The following KLHL8 variants were observed in gnomAD, a reference collection of about 807,000 sequenced individuals.
KLHL8 encodes kelch like family member 8.
A neutral mutation model predicts 63.5 loss-of-function variants in KLHL8; 38 were observed. The observed-to-expected ratio is 0.60, with a 90% CI of 0.46 to 0.78. The LOEUF (loss-of-function observed/expected upper bound fraction) is 0.78, where lower values mean the gene tolerates loss of function less well. Among genes scored for constraint, KLHL8 ranks in the 30% least tolerant of loss-of-function variants. The pLI is 0.00. For synonymous variants in KLHL8, 224 were observed against 254.3 expected, an observed-to-expected ratio of 0.88 and a Z score of 1.13; for missense variants, 566 against 752.4, an observed-to-expected ratio of 0.75 and a Z score of 2.90.
intron 1 of KLHL8, among the ~76,000 whole-genome samples, chr4:87,234,973 G>C (rs1328732610): frequency 6.6e-6 from 1 of 152,064 alleles, no homozygotes; most frequent in Non-Finnish European, 1.5e-5. Context: ...CAGATACAAA[G>C]AAAGAAAATA....
chr4:87,191,502 G>T (rs963595453), intron 2 of KLHL8, among the ~76,000 whole-genome samples: 1 of 151,816 alleles, frequency 6.6e-6, no homozygotes, highest in Admixed American at 6.6e-5. Context: ...CCCTTATAAA[G>T]TAAAAAATAA....
At chr4:87,195,007 A>C (rs1405100247) in intron 2 of KLHL8, among the ~76,000 whole-genome samples, 1 of 152,218 alleles carries the variant, frequency 6.6e-6, no homozygotes, top group Non-Finnish European at 1.5e-5. Context: ...ACAAGTGAAA[A>C]GCTTATCTGG....
chr4:87,196,721 T>C (rs2110016044), intron 1 of KLHL8, among the ~76,000 whole-genome samples: 1 of 152,312 alleles, frequency 6.6e-6, no homozygotes, highest in African/African-American at 2.4e-5. Flanking sequence ...CAATTCTACT[T>C]TGGTGACAGA....
intron 1 of KLHL8, chr4:87,219,459 C>G (rs1057095278): frequency 6.6e-6 from 1 of 151,016 alleles, no homozygotes; most frequent in Non-Finnish European, 1.5e-5. Flanking sequence ...GGACCTTTTC[C>G]CAAAGTATCC....
intron 1 of KLHL8, among the ~76,000 whole-genome samples, chr4:87,214,743 T>C (rs562644643): frequency 2.8e-4 from 42 of 152,124 alleles, no homozygotes; most frequent in African/African-American, 1.0e-3. Context: ...AATAGTGGTA[T>C]TAATAATATT....
At position 87,183,558 on chromosome 4, in the gene KLHL8, G is replaced by C. The variant is rs140001733; in HGVS notation, c.766-169C>G. ...GTTGTTACTTCATGAAATGTAACAT[G>C]TTCATGATTTTCAATGTGCCAAATT... On this transcript the variant is annotated intron_variant, in intron 3 of 9. Transcript: ENST00000273963. Among the ~76,000 whole-genome samples the C allele has an allele frequency of 6.2e-3, 948 of 152,260 alleles. 5 individuals carry two copies. Among genetic ancestry groups the C allele is most frequent in the Non-Finnish European group, 0.01 (689 of 68,024 alleles).
At position 87,183,311 on chromosome 4, in the gene KLHL8, A is replaced by G. The variant is rs1425636564; in HGVS notation, c.844T>C (p.Cys282Arg). The G allele has an allele frequency of 1.2e-6, 2 of 1,613,532 alleles. No individual in the cohort carries two copies. Among genetic ancestry groups the G allele is most frequent in the Non-Finnish European group, 1.7e-6 (2 of 1,179,592 alleles). ...KEQIVKQNLK[C>R]RDLLDEARNY... ...CTTGCTTCATCCAGTAAATCTCTAC[A>G]TTTTAGATTTTGCTTGACAATCTGT... The change falls in exon 4 of 10, where the codon TGT (cysteine) becomes CGT (arginine). Residue 282 changes from cysteine (C) to arginine (R), a missense_variant. By Grantham distance (180) the Cys-to-Arg change is radical. Coordinates refer to ENST00000273963, the MANE Select transcript of KLHL8 (RefSeq NM_020803.5).
chr4:87,218,121 A>G (rs1732670622), intron 1 of KLHL8, among the ~76,000 whole-genome samples: 1 of 152,320 alleles, frequency 6.6e-6, no homozygotes, highest in South Asian at 2.1e-4. Context: ...TTGGCTCTGT[A>G]GGGGTAGGCG....
chr4:87,233,811 T>C (rs1047864224), intron 1 of KLHL8, among the ~76,000 whole-genome samples: 14 of 152,234 alleles, frequency 9.2e-5, no homozygotes, highest in African/African-American at 3.4e-4. Flanking sequence ...TGAAGATACT[T>C]GATAAATATT....
At chr4:87,198,416 C>A (rs917373299) in intron 1 of KLHL8, among the ~76,000 whole-genome samples, 1 of 152,158 alleles carries the variant, frequency 6.6e-6, no homozygotes. Flanking sequence ...TTAAACTCAA[C>A]AATATCAATA....
At chr4:87,168,932 A>G (rs1359566764) in intron 8 of KLHL8, among the ~76,000 whole-genome samples, 1 of 149,628 alleles carries the variant, frequency 6.7e-6, no homozygotes, top group Non-Finnish European at 1.5e-5. Context: ...TTAAACCTGC[A>G]TGGGGTTTGG....
chr4:87,195,306 C>T lies in KLHL8; in HGVS notation c.216+18G>A. 1.2e-6 allele frequency: 2 copies of T among 1,604,332 alleles called. No homozygotes were observed. Among genetic ancestry groups the T allele is most frequent in the East Asian group, 2.2e-5 (1 of 44,756 alleles). ...ACACTGAAGAGGCCTGAGAAAAGTA[C>T]AAAAAAGGCAATCTCACCTTGAGTG... is the stretch of plus-strand genomic sequence containing the variant. On this transcript the variant is annotated intron_variant, in intron 2 of 9. Coordinates refer to ENST00000273963, the MANE Select transcript of KLHL8 (RefSeq NM_020803.5).
At chr4:87,234,535 A>G (rs1357636112) in intron 1 of KLHL8, among the ~76,000 whole-genome samples, 1 of 152,174 alleles carries the variant, frequency 6.6e-6, no homozygotes, top group East Asian at 1.9e-4. Context: ...ACTCAAGCTC[A>G]TGTGCATATT....
intron 1 of KLHL8, among the ~76,000 whole-genome samples, chr4:87,236,858 T>A (rs1733239926): frequency 6.6e-6 from 1 of 151,786 alleles, no homozygotes; most frequent in African/African-American, 2.4e-5. Context: ...GAGACGGGGT[T>A]TCTCTATGTT....
chr4:87,186,389 G>C (rs905428608), intron 2 of KLHL8, among the ~76,000 whole-genome samples: 3 of 151,408 alleles, frequency 2.0e-5, no homozygotes, highest in Non-Finnish European at 4.4e-5. Context: ...AACAAACCAT[G>C]ATTTTCTATG....
chr4:87,176,203 A>T (rs1271983767), intron 6 of KLHL8, among the ~76,000 whole-genome samples: 2 of 152,228 alleles, frequency 1.3e-5, no homozygotes, highest in Non-Finnish European at 2.9e-5. Flanking sequence ...CCATCTCAGC[A>T]CTGGCATTTG....
chr4:87,209,429 G>T (rs1031573831), intron 1 of KLHL8, among the ~76,000 whole-genome samples: 1 of 152,020 alleles, frequency 6.6e-6, no homozygotes, highest in African/African-American at 2.4e-5. Context: ...GCCAGTAAAG[G>T]CATATCGATC....
upstream of KLHL8, among the ~76,000 whole-genome samples, chr4:87,225,103 T>C (rs1217898499): frequency 6.6e-6 from 1 of 152,070 alleles, no homozygotes; most frequent in Non-Finnish European, 1.5e-5. Flanking sequence ...CCCTGAAATA[T>C]TTAAAGTTCC....
chr4:87,226,759 TTATATATAATATATATTATA>T, intron 1 of KLHL8, among the ~76,000 whole-genome samples: 1 of 5,884 alleles, frequency 1.7e-4, no homozygotes, highest in Non-Finnish European at 2.8e-4. Context: ...TATATATTAT[TTATATATAATATATATTATA>T]TATATAATAT....
Sources: allele counts gnomAD v4.1 joint callset (sites outside exome capture counted in the v4.1 genomes callset), GRCh38; gene constraint gnomAD v4.1.1; transcripts MANE v1.5; gene names NCBI Gene and HGNC (gene_info 2026-07-23, HGNC 2026-07-21).